Variants in CTNNA2 observed in about 807,000 individuals in gnomAD.
The protein encoded by CTNNA2 is catenin alpha-2.
A neutral mutation model predicts 101.0 loss-of-function variants in CTNNA2; 42 were observed. The ratio of observed to expected loss-of-function variants is 0.42; its 90% CI spans 0.32 to 0.54. The LOEUF (loss-of-function observed/expected upper bound fraction) is 0.54, where lower values mean the gene tolerates loss of function less well. Ranked by LOEUF, CTNNA2 falls within the 20% of genes least tolerant of loss-of-function variation. The probability of loss-of-function intolerance (pLI) is 0.14; values close to 1 mark genes in which losing one functional copy is unlikely to be tolerated. For missense variants in CTNNA2, 871 were observed against 1,223.1 expected (o/e 0.71, Z 4.29); for synonymous variants, 450 against 456.4 (o/e 0.99, Z 0.18).
At chr2:80,573,235 G>T (rs1221065936) in intron 12 of CTNNA2, 1 of 152,174 alleles carries the variant, frequency 6.6e-6, no homozygotes, top group Non-Finnish European at 1.5e-5. Flanking sequence ...TATAATTTTT[G>T]AGAATCAGTG....
chr2:80,070,958 A>C (rs1698301984), intron 7 of CTNNA2, among the ~76,000 whole-genome samples: 1 of 152,130 alleles, frequency 6.6e-6, no homozygotes, highest in Admixed American at 6.6e-5. Flanking sequence ...ACATGTGTTT[A>C]TATTTAGGGC....
chr2:79,767,259 C>A (rs890959933), intron 3 of CTNNA2, among the ~76,000 whole-genome samples: 8 of 151,872 alleles, frequency 5.3e-5, no homozygotes, highest in African/African-American at 1.9e-4. Context: ...TCTGTGTTGT[C>A]TTGAATTTCT....
chr2:79,742,533 G>T (rs1355604128), intron 2 of CTNNA2, among the ~76,000 whole-genome samples: 2 of 152,100 alleles, frequency 1.3e-5, no homozygotes, highest in East Asian at 3.9e-4. Flanking sequence ...TGGCTGTTCT[G>T]GGGAGTTGAG....
At position 80,591,457 on chromosome 2, in the gene CTNNA2, GTTTTT is replaced by G. The variant is rs567131551; in HGVS notation, c.2189+1989_2189+1993del. ...ATTGCTGCCTCCATCTGCACAGCCT[GTTTTT>G]TTTTTTTTTTTTTTTTGCAAACAGA... is the stretch of plus-strand genomic sequence containing the variant. On this transcript the variant is annotated intron_variant, in intron 15 of 18. Coordinates refer to ENST00000402739, the MANE Select transcript of CTNNA2 (RefSeq NM_001282597.3). 1.2e-3 allele frequency among the ~76,000 whole-genome samples: 82 copies of G among 70,316 alleles called. 3 individuals are homozygous for G. The highest frequency in any genetic ancestry group is 2.5e-3 in the African/African-American group (55 of 21,928). 46.1% of individuals were successfully genotyped at this position (70,316 alleles called of 152,430 possible).
intron 7 of CTNNA2, among the ~76,000 whole-genome samples, chr2:80,098,556 T>C (rs1700328048): frequency 6.6e-6 from 1 of 152,236 alleles, no homozygotes; most frequent in Non-Finnish European, 1.5e-5. Context: ...CATTTAAGTC[T>C]GCAGAGGTTA....
chr2:80,589,606 A>G, intron 15 of CTNNA2, 121 bp downstream of exon 15: 2 of 859,726 alleles, frequency 2.3e-6, no homozygotes, highest in Non-Finnish European at 3.5e-6. Flanking sequence ...TGGTGGTATT[A>G]TAAATTTACA....
intron 7 of CTNNA2, among the ~76,000 whole-genome samples, chr2:80,391,507 C>A (rs1430598052): frequency 6.6e-6 from 1 of 152,072 alleles, no homozygotes; most frequent in African/African-American, 2.4e-5. Context: ...TTTTTTTATT[C>A]TAATAAATGA....
At position 80,489,722 on chromosome 2, in the gene CTNNA2, G is replaced by C. The variant is rs1052289415; in HGVS notation, c.1291-55260G>C. ...GGCAGACACCACAGTTCTTCTTCTT[G>C]GTTGTAAACTTACTTCCTAGTAGCA... On this transcript the variant is annotated intron_variant, in intron 9 of 18. Coordinates refer to ENST00000402739, the MANE Select transcript of CTNNA2 (RefSeq NM_001282597.3). Among the ~76,000 whole-genome samples the C allele has an allele frequency of 2.0e-5, 3 of 152,074 alleles. No homozygotes were observed. The East Asian group carries it at 5.8e-4, about 29-fold the overall frequency.
intron 7 of CTNNA2, among the ~76,000 whole-genome samples, chr2:80,072,892 T>C (rs985421403): frequency 2.0e-5 from 3 of 152,170 alleles, no homozygotes; most frequent in African/African-American, 7.2e-5. Context: ...GATATTATTG[T>C]TTACATTGTT....
intron 7 of CTNNA2, among the ~76,000 whole-genome samples, chr2:80,370,766 T>C (rs1265982014): frequency 6.6e-6 from 1 of 152,164 alleles, no homozygotes; most frequent in Non-Finnish European, 1.5e-5. Context: ...GTTAAAGAAA[T>C]ATCTTTTCTT....
intron 1 of CTNNA2, among the ~76,000 whole-genome samples, chr2:79,557,462 T>G (rs1674514743): frequency 6.6e-6 from 1 of 151,528 alleles, no homozygotes; most frequent in Non-Finnish European, 1.5e-5. Context: ...TTTTTAGGTT[T>G]CCTTAGTTAA....
At chr2:79,742,819 A>T (rs2104982159) in intron 2 of CTNNA2, among the ~76,000 whole-genome samples, 1 of 152,234 alleles carries the variant, frequency 6.6e-6, no homozygotes, top group Middle Eastern at 3.4e-3. Flanking sequence ...TCTTAAATTC[A>T]CTCTACCTAA....
intron 3 of CTNNA2, among the ~76,000 whole-genome samples, chr2:79,799,051 C>T (rs1211726982): frequency 6.6e-6 from 1 of 152,066 alleles, no homozygotes; most frequent in African/African-American, 2.4e-5. Context: ...CTGGTGAGCC[C>T]CAGCCCAGAT....
At chr2:80,645,685 T>C (rs930926483) in intron 18 of CTNNA2, among the ~76,000 whole-genome samples, 1 of 150,850 alleles carries the variant, frequency 6.6e-6, no homozygotes, top group African/African-American at 2.5e-5. Context: ...CCCCACTAAT[T>C]CATGCTTGGC....
chr2:79,269,561 T>C (rs1453782802), intron 2 of CTNNA2, among the ~76,000 whole-genome samples: 1 of 152,144 alleles, frequency 6.6e-6, no homozygotes, highest in Admixed American at 6.6e-5. Flanking sequence ...CTCAGGTTAT[T>C]ATTCAAGCAG....
At chr2:79,600,096 C>A (rs936018187) in intron 1 of CTNNA2, among the ~76,000 whole-genome samples, 9 of 152,094 alleles carry the variant, frequency 5.9e-5, no homozygotes, top group African/African-American at 2.2e-4. Flanking sequence ...ATTTCCTACG[C>A]ATAGGAAGAG....
intron 2 of CTNNA2, among the ~76,000 whole-genome samples, chr2:79,713,126 A>G (rs1250820872): frequency 1.3e-5 from 2 of 152,240 alleles, no homozygotes; most frequent in East Asian, 3.8e-4. Flanking sequence ...GTGGACTTTT[A>G]AAACATTGAA....
chr2:79,747,052 C>T (rs1356406744), intron 3 of CTNNA2, among the ~76,000 whole-genome samples: 1 of 152,150 alleles, frequency 6.6e-6, no homozygotes, highest in African/African-American at 2.4e-5. Flanking sequence ...AAACACCAAC[C>T]CTCCTTCCAC....
intron 7 of CTNNA2, among the ~76,000 whole-genome samples, chr2:80,198,517 A>G (rs907373285): frequency 6.6e-6 from 1 of 152,160 alleles, no homozygotes; most frequent in Non-Finnish European, 1.5e-5. Flanking sequence ...AAACCATAAT[A>G]TTCACCTCTC....
Sources: allele counts gnomAD v4.1 joint callset (sites outside exome capture counted in the v4.1 genomes callset), GRCh38; gene constraint gnomAD v4.1.1; transcripts MANE v1.5; gene names NCBI Gene and HGNC (gene_info 2026-07-23, HGNC 2026-07-21).